NEK9: variants seen among roughly 807,000 people sequenced by gnomAD.
NEK9 encodes the protein NIMA related kinase 9.
In NEK9, 75 loss-of-function variants were observed where a neutral mutation model predicts 123.4. That is an observed-to-expected ratio of 0.61 (90% CI 0.50 to 0.74). The LOEUF (loss-of-function observed/expected upper bound fraction) is 0.74. NEK9 is among the 30% of genes least tolerant of loss of function. The pLI is 0.00. For synonymous variants in NEK9, 438 were observed against 458.7 expected (o/e 0.95, Z 0.58); for missense variants, 952 against 1,214.4 (o/e 0.78, Z 3.21).
chr14:75,120,435 G>T, intron 4 of NEK9, 75 bp downstream of exon 4: 2 of 948,900 alleles, frequency 2.1e-6, no homozygotes, highest in Non-Finnish European at 3.3e-6. Flanking sequence ...AAATAAAAGT[G>T]TTGTTGGGGG....
At chr14:75,089,940 G>A (rs1226263834) in intron 19 of NEK9, among the ~76,000 whole-genome samples, 4 of 150,416 alleles carry the variant, frequency 2.7e-5, no homozygotes, top group South Asian at 2.1e-4. Context: ...CTTGTGATCC[G>A]CCCGCCTCAG....
intron 13 of NEK9, 55 bp downstream of exon 13, chr14:75,105,895 T>C (rs1894754347): frequency 2.3e-6 from 3 of 1,327,406 alleles, no homozygotes; most frequent in South Asian, 1.2e-5. Context: ...GGACATATTA[T>C]TGGAGTCTGT....
intron 11 of NEK9, 132 bp downstream of exon 11, chr14:75,107,211 G>A (rs1457310244): frequency 3.4e-6 from 3 of 874,278 alleles, no homozygotes; most frequent in South Asian, 1.8e-5. Flanking sequence ...TTATTAATGA[G>A]TATATTTGCT....
rs1284421637 is a variant in NEK9 at position 75,084,268 on chromosome 14, C to T, written c.*296G>A. 1 of 326,206 alleles carries T rather than the reference C, an allele frequency of 3.1e-6. No individual in the cohort carries two copies. Among genetic ancestry groups the T allele is most frequent in the Non-Finnish European group, 5.9e-6 (1 of 170,534 alleles). The allele number at this position is 326,206 out of a possible 1,614,324, so 20.2% of individuals were successfully genotyped here. ...AATTAAGGTGAGCACTGTGTCTCCT[C>T]TTCAAAGGTGGGATCAACAGATGAG... On this transcript the variant is annotated 3_prime_UTR_variant, in exon 22 of 22. Coordinates refer to ENST00000238616, the MANE Select transcript of NEK9 (RefSeq NM_033116.6).
chr14:75,094,880 A>T (rs1400111778), intron 18 of NEK9, among the ~76,000 whole-genome samples: 1 of 152,212 alleles, frequency 6.6e-6, no homozygotes, highest in African/African-American at 2.4e-5. Flanking sequence ...AAATAGATTC[A>T]ATTTCCTAGC....
At chr14:75,117,588 T>A (rs1396920850) in intron 5 of NEK9, among the ~76,000 whole-genome samples, 3 of 152,180 alleles carry the variant, frequency 2.0e-5, no homozygotes, top group Non-Finnish European at 2.9e-5. Context: ...GCTCTGTGAT[T>A]CCTAGATCAC....
At chr14:75,088,185 C>T (rs1894086907) in intron 20 of NEK9, among the ~76,000 whole-genome samples, 1 of 152,186 alleles carries the variant, frequency 6.6e-6, no homozygotes. Context: ...AGCCTCTAAC[C>T]TACCCTGCCA....
intron 14 of NEK9, 97 bp downstream of exon 14, chr14:75,103,745 C>G (rs1894668636): frequency 1.5e-6 from 2 of 1,367,646 alleles, no homozygotes; most frequent in Admixed American, 4.5e-5. Flanking sequence ...TAACTAAAGT[C>G]AAATTCCATG....
intron 12 of NEK9, 140 bp downstream of exon 12, chr14:75,106,359 GAGA>G: frequency 1.7e-6 from 1 of 576,790 alleles, no homozygotes; most frequent in East Asian, 3.6e-5. Context: ...ACTCTGTCTC[GAGA>G]AAAAAAAAAA....
At chr14:75,093,734 C>A (rs762172102) in intron 18 of NEK9, among the ~76,000 whole-genome samples, 1 of 152,180 alleles carries the variant, frequency 6.6e-6, no homozygotes, top group Non-Finnish European at 1.5e-5. Flanking sequence ...GTGTTACAGG[C>A]GTGAGCCACC....
At chr14:75,114,367 C>T (rs1342917799) in intron 6 of NEK9, 54 bp from the exon 7 acceptor site, 13 of 1,365,306 alleles carry the variant, frequency 9.5e-6, no homozygotes, top group East Asian at 2.3e-5. Context: ...TGATGCTATA[C>T]TCTACTGGTA....
At chr14:75,121,650 A>T (rs1410635050) in intron 2 of NEK9, among the ~76,000 whole-genome samples, 1 of 152,190 alleles carries the variant, frequency 6.6e-6, no homozygotes, top group Non-Finnish European at 1.5e-5. Context: ...GGAATTTAAG[A>T]CCAGCCTGGG....
Position 75,126,827 on chromosome 14 carries a change from G to A in NEK9, c.95C>T (p.Pro32Leu), listed in dbSNP as rs780371701. 1.3e-6 allele frequency: 2 copies of A among 1,534,074 alleles called. No homozygotes were observed. Among genetic ancestry groups the A allele is most frequent in the South Asian group, 1.2e-5 (1 of 82,088 alleles). Residue 32 changes from proline to leucine, a missense_variant, in exon 1 of 22, where the codon CCT becomes CTT. Transcript: ENST00000238616. ...SGGCGDSSPG[P>L]SASQGPRAGG... ...GGCTCGCGGCCCCTGACTGGCGCTA[G>A]GCCCCGGACTCGAGTCCCCGCAACC...
chr14:75,094,674 G>C (rs1894323653), intron 18 of NEK9, among the ~76,000 whole-genome samples: 1 of 152,088 alleles, frequency 6.6e-6, no homozygotes, highest in South Asian at 2.1e-4. Context: ...CAGCTACTTG[G>C]GAGGCTGAGG....
chr14:75,084,579 A>C lies in NEK9; in HGVS notation c.2925T>G (p.Cys975Trp), dbSNP rs774782041. 1.2e-6 allele frequency: 2 copies of C among 1,614,164 alleles called. No homozygotes were observed. The highest frequency in any genetic ancestry group is 2.2e-5 in the East Asian group (1 of 44,880). ...GCTCAGGAGACTAGAGGCTGGGTCT[A>C]CAGGAGTCTGTTCCCAGGAGGCACC... ...DSWCLLGTDS[C>W]RPSL Residue 975 changes from cysteine (C) to tryptophan (W), a missense_variant, in exon 22 of 22, where the codon TGT (cysteine) becomes TGG (tryptophan). By Grantham distance (215) the Cys-to-Trp change is radical (BLOSUM62 -2). Coordinates refer to ENST00000238616, the MANE Select transcript of NEK9 (RefSeq NM_033116.6).
At chr14:75,113,584 T>G (rs750663725) in intron 7 of NEK9, among the ~76,000 whole-genome samples, 181 bp from the exon 8 acceptor site, 5 of 152,238 alleles carry the variant, frequency 3.3e-5, no homozygotes, top group Admixed American at 6.5e-5. Flanking sequence ...TGAAGGAGAA[T>G]GTTTATAATG....
intron 10 of NEK9, among the ~76,000 whole-genome samples, chr14:75,108,818 G>T (rs192369079): frequency 1.3e-5 from 2 of 152,120 alleles, no homozygotes; most frequent in Non-Finnish European, 2.9e-5. Context: ...GCCTCCCGAA[G>T]TGCTGAGACT....
At chr14:75,118,053 T>A (rs1230207621) in intron 5 of NEK9, among the ~76,000 whole-genome samples, 2 of 152,212 alleles carry the variant, frequency 1.3e-5, no homozygotes, top group Non-Finnish European at 2.9e-5. Flanking sequence ...CTTGGTTTTA[T>A]CAGATTGTTC....
chr14:75,126,925 G>A lies in NEK9; in HGVS notation c.-4C>T, dbSNP rs1594858314. ...CGTACTCGCCCAGCACCGACATGGC[G>A]GCGGCCGCGGGCCTTGGGGACCAGC... is the stretch of plus-strand genomic sequence containing the variant. On this transcript the variant is annotated 5_prime_UTR_variant, in exon 1 of 22. Coordinates refer to ENST00000238616, the MANE Select transcript of NEK9 (RefSeq NM_033116.6). 2 of 1,457,230 alleles carry A rather than the reference G, an allele frequency of 1.4e-6. No individual in the cohort carries two copies. The highest frequency in any genetic ancestry group is 1.8e-6 in the Non-Finnish European group (2 of 1,098,320). 90.3% of individuals were successfully genotyped at this position (1,457,230 alleles called of 1,614,324 possible).
Sources: allele counts gnomAD v4.1 joint callset (sites outside exome capture counted in the v4.1 genomes callset), GRCh38; gene constraint gnomAD v4.1.1; transcripts MANE v1.5; gene names NCBI Gene and HGNC (gene_info 2026-07-23, HGNC 2026-07-21).